DENND6B: variants seen among roughly 807,000 people sequenced by gnomAD.
DENND6B encodes the protein DENN domain containing 6B.
In DENND6B, 73 loss-of-function variants were observed where a neutral mutation model predicts 85.1. The observed-to-expected ratio is 0.86, with a 90% CI of 0.71 to 1.04. The LOEUF (loss-of-function observed/expected upper bound fraction) is 1.04. Ranked by LOEUF, DENND6B falls within the 50% of genes least tolerant of loss-of-function variation. DENND6B has a pLI of 0.00. For synonymous variants in DENND6B, 357 were observed against 329.3 expected (o/e 1.08, Z -0.91); for missense variants, 715 against 785.8 (o/e 0.91, Z 1.08).
At chr22:50,314,574 G>A (rs2041723045) in intron 11 of DENND6B, 31 bp downstream of exon 11, 2 of 1,556,024 alleles carry the variant, frequency 1.3e-6, no homozygotes, top group African/African-American at 2.7e-5. Context: ...GGCGGAGCAA[G>A]GGCAAGAGGC....
rs1287733927 is a variant in DENND6B, at chr22:50,309,309, TGCCTGCGGGGGCTGGCACTCTG to T, written c.*2808_*2829del. 6.6e-6 allele frequency: 1 copy of T among 152,342 alleles called. No individual in the cohort carries two copies. The highest frequency in any genetic ancestry group is 1.5e-5 in the Non-Finnish European group (1 of 68,152). 9.4% of individuals were successfully genotyped at this position (152,342 alleles called of 1,614,324 possible). A position where few individuals can be genotyped will look rare whatever the true frequency, so the allele number is the denominator to read the frequency against. ...CTAAGTTCTGCCCAGCAAGCCCTCT[TGCCTGCGGGGGCTGGCACTCTG>T]GCCAGGGGTAGAGCTGTCTGGACCT... On this transcript the variant is annotated 3_prime_UTR_variant, in exon 20 of 20. Transcript: ENST00000413817.
At chr22:50,319,479 C>T (rs1264067436) in intron 1 of DENND6B, 4 of 985,188 alleles carry the variant, frequency 4.1e-6, no homozygotes, top group African/African-American at 1.7e-5. Flanking sequence ...CCCCTACCCA[C>T]CCGGACATCT....
rs549155130 is a variant in DENND6B at position 50,310,426 on chromosome 22, T to C, written c.*1713A>G. 9.8e-5 allele frequency: 15 copies of C among 152,316 alleles called. No homozygotes were observed. Among genetic ancestry groups the C allele is most frequent in the Middle Eastern group, 3.4e-3 (1 of 294 alleles). 9.4% of individuals were successfully genotyped at this position (152,316 alleles called of 1,614,324 possible). On this transcript the variant is annotated 3_prime_UTR_variant, in exon 20 of 20. Coordinates refer to ENST00000413817, the MANE Select transcript of DENND6B (RefSeq NM_001001794.4). ...AGGGACAGGCTGTCCTGGGCTGCAG[T>C]TGGGCTGGACAAGTTGACATGTACC... is the stretch of plus-strand genomic sequence containing the variant.
chr22:50,313,901 GCC>G, intron 13 of DENND6B, 23 bp from the exon 14 acceptor site: 1 of 1,595,974 alleles, frequency 6.3e-7, no homozygotes, highest in Non-Finnish European at 8.5e-7. Flanking sequence ...CACAGCTGGC[GCC>G]CCACCCTTCA....
intron 9 of DENND6B, among the ~76,000 whole-genome samples, 156 bp downstream of exon 9, chr22:50,315,558 A>G (rs1190919033): frequency 6.6e-6 from 1 of 152,198 alleles, no homozygotes; most frequent in African/African-American, 2.4e-5. Context: ...CAGTCCCCAC[A>G]TGGCGCTGGC....
rs1195192755 is a variant in DENND6B at position 50,313,730 on chromosome 22, G to A, written c.1204-6C>T. The A allele has an allele frequency of 3.1e-6, 5 of 1,604,038 alleles. No homozygotes were observed. The highest frequency in any genetic ancestry group is 1.3e-5 in the African/African-American group (1 of 74,724). ...GGCCGCTTCTTCTGCACGCCCTGCA[G>A]GGGAGAGAGGGCCAGGCCCTTGCTG... On this transcript the variant is annotated splice_polypyrimidine_tract_variant and splice_region_variant and intron_variant, in intron 14 of 19. Coordinates refer to ENST00000413817, the MANE Select transcript of DENND6B (RefSeq NM_001001794.4).
At position 50,314,601 on chromosome 22, in the gene DENND6B, T is replaced by C; in HGVS notation, c.977+4A>G. 1.3e-6 allele frequency: 2 copies of C among 1,559,890 alleles called. No homozygotes were observed. The highest frequency in any genetic ancestry group is 1.7e-6 in the Non-Finnish European group (2 of 1,152,316). ...GCAAGAGGCGGGGCAGAGGCGGCAC[T>C]TACGGGGCCTGCGTGCGTGTGGTGA... On this transcript the variant is annotated splice_donor_region_variant and intron_variant, in intron 11 of 19. Transcript: ENST00000413817.
At chr22:50,312,456 T>C (rs752205349) in intron 18 of DENND6B, 39 bp from the exon 19 acceptor site, 1 of 1,594,882 alleles carries the variant, frequency 6.3e-7, no homozygotes, top group Non-Finnish European at 8.5e-7. Flanking sequence ...GCAAGGCCCC[T>C]CACTGCCCTG....
At chr22:50,314,055 A>G (rs2041693700) in intron 13 of DENND6B, 152 bp downstream of exon 13, 9 of 1,268,422 alleles carry the variant, frequency 7.1e-6, no homozygotes, top group Non-Finnish European at 3.2e-6. Context: ...AAGAGAAGAG[A>G]GCGACCCCTC....
At chr22:50,317,186 TG>T in intron 5 of DENND6B, 106 bp downstream of exon 5, 2 of 1,162,370 alleles carry the variant, frequency 1.7e-6, no homozygotes, top group Non-Finnish European at 1.2e-6. Flanking sequence ...GCAGGAGGGG[TG>T]GGCACTGCTG....
Position 50,318,278 on chromosome 22 carries a change from G to T in DENND6B, c.260-258C>A, listed in dbSNP as rs536093883. Reference sequence around the variant, plus strand: ...GAATCACTTGAACTTAGGGGGCGGAGGTTGCAGTGAGCTGAGATGGTGCCA... The same window carrying T: ...GAATCACTTGAACTTAGGGGGCGGATGTTGCAGTGAGCTGAGATGGTGCCA... On this transcript the variant is annotated intron_variant, in intron 3 of 19. Transcript: ENST00000413817. Among the ~76,000 whole-genome samples the T allele has an allele frequency of 2.6e-5, 4 of 152,322 alleles. No homozygotes were observed. The South Asian group carries it at 8.3e-4, about 32-fold the overall frequency.
chr22:50,313,144 C>G (rs542930160), intron 16 of DENND6B, 36 bp from the exon 17 acceptor site: 2 of 1,537,306 alleles, frequency 1.3e-6, no homozygotes, highest in Admixed American at 3.9e-5. Flanking sequence ...CGTGGGAACT[C>G]GGCCTCACAG....
chr22:50,312,576 T>G lies in DENND6B; in HGVS notation c.1507A>C (p.Lys503Gln). Residue 503 changes from lysine (K) to glutamine (Q), a missense_variant, in exon 18 of 20, where the codon AAG becomes CAG. Coordinates refer to ENST00000413817, the MANE Select transcript of DENND6B (RefSeq NM_001001794.4). ...GCCTCCAGCTTCAGGGCCATCTCCT[T>G]GTGCCGCTGCCGGTACCAGCCATCA... is the stretch of plus-strand genomic sequence containing the variant. ...HFDGWYRQRH[K>Q]EMALKLEALH... The G allele has an allele frequency of 2.5e-6, 4 of 1,593,794 alleles. No homozygotes were observed. Among genetic ancestry groups the G allele is most frequent in the Non-Finnish European group, 3.4e-6 (4 of 1,170,876 alleles).
At chr22:50,318,134 T>C (rs2147781062) in intron 3 of DENND6B, 114 bp from the exon 4 acceptor site, 25 of 1,025,734 alleles carry the variant, frequency 2.4e-5, no homozygotes, top group Non-Finnish European at 3.5e-5. Context: ...CTGGTAAATA[T>C]ACCCCAGAAA....
At chr22:50,323,833 A>T (rs2042123828) in intron 1 of DENND6B, among the ~76,000 whole-genome samples, 2 of 150,556 alleles carry the variant, frequency 1.3e-5, no homozygotes, top group South Asian at 4.2e-4. Context: ...CCTGGGCTCA[A>T]GCAATCCTCC....
chr22:50,318,761 C>G (rs546357054), intron 3 of DENND6B, 86 bp downstream of exon 3: 16 of 1,570,168 alleles, frequency 1.0e-5, no homozygotes, highest in Non-Finnish European at 1.4e-5. Flanking sequence ...CCGGGGCAGC[C>G]GAGGCAGCCA....
chr22:50,315,109 C>CTGGCCCAGCACAAGCTGTG, intron 9 of DENND6B, 188 bp from the exon 10 acceptor site: 1 of 859,062 alleles, frequency 1.2e-6, no homozygotes, highest in East Asian at 2.8e-5. Context: ...TGTGACAATC[C>CTGGCCCAGCACAAGCTGTG]ACCTGTGCTG....
chr22:50,321,346 G>A (rs2147787879), intron 1 of DENND6B, among the ~76,000 whole-genome samples: 1 of 152,228 alleles, frequency 6.6e-6, no homozygotes, highest in South Asian at 2.1e-4. Flanking sequence ...TTTCCATTTG[G>A]TCGGACTTTT....
chr22:50,315,933 A>C lies in DENND6B; in HGVS notation c.702+92T>G, dbSNP rs1228229932. The C allele has an allele frequency of 1.9e-6, 3 of 1,593,048 alleles. No individual in the cohort carries two copies. The African/African-American group carries it at 4.0e-5, about 21-fold the overall frequency. On this transcript the variant is annotated intron_variant, in intron 8 of 19. Coordinates refer to ENST00000413817, the MANE Select transcript of DENND6B (RefSeq NM_001001794.4). ...GTTTGACAACCCCGCAGGGTGAACC[A>C]AGGAAGCAGGTGTGGGACCACCCGG...
Sources: allele counts gnomAD v4.1 joint callset (sites outside exome capture counted in the v4.1 genomes callset), GRCh38; gene constraint gnomAD v4.1.1; transcripts MANE v1.5; gene names NCBI Gene and HGNC (gene_info 2026-07-23, HGNC 2026-07-21).